NUP37: variants seen among roughly 807,000 people sequenced by gnomAD.
NUP37 encodes nucleoporin 37.
NUP37 carries 33 observed loss-of-function variants against 45.4 expected under a neutral mutation model. The ratio of observed to expected loss-of-function variants is 0.73; its 90% confidence interval spans 0.55 to 0.97. The LOEUF (loss-of-function observed/expected upper bound fraction) is 0.97. Ranked by LOEUF, NUP37 falls within the 50% of genes least tolerant of loss-of-function variation. The pLI is 0.00. For synonymous variants in NUP37, 127 were observed against 130.7 expected (o/e 0.97, Z 0.19); for missense variants, 365 against 389.7 (o/e 0.94, Z 0.53).
rs774239848 is a variant in NUP37 at position 102,076,790 on chromosome 12, A to T, written c.773+7T>A. 5.0e-6 allele frequency: 8 copies of T among 1,612,570 alleles called. No homozygotes were observed. In the South Asian group the frequency reaches 7.7e-5, roughly 16 times the overall value. ...AAATCACAGCTCCAACAAAAACGGT[A>T]CATTACCTGAATAAGCAGGCTCGAT... On this transcript the variant is annotated splice_region_variant and intron_variant, in intron 8 of 9. Coordinates refer to ENST00000552283, the MANE Select transcript of NUP37 (RefSeq NM_024057.4).
At chr12:102,092,895 T>C (rs539614463) in intron 5 of NUP37, among the ~76,000 whole-genome samples, 1 of 152,270 alleles carries the variant, frequency 6.6e-6, no homozygotes, top group South Asian at 2.1e-4. Context: ...TCAGTGTGTG[T>C]GTCCAAATAT....
At chr12:102,112,256 T>C in intron 2 of NUP37, 24 bp from the exon 3 acceptor site, 1 of 1,580,504 alleles carries the variant, frequency 6.3e-7, no homozygotes, top group African/African-American at 1.3e-5. Flanking sequence ...GTAAATGTTT[T>C]AATAAGTAAT....
At chr12:102,110,193 C>A (rs1282603233) in intron 3 of NUP37, among the ~76,000 whole-genome samples, 1 of 152,086 alleles carries the variant, frequency 6.6e-6, no homozygotes, top group African/African-American at 2.4e-5. Flanking sequence ...TGGCATCAAC[C>A]AGAATGGCTA....
At chr12:102,088,862 T>TCC in intron 5 of NUP37, among the ~76,000 whole-genome samples, 1 of 151,482 alleles carries the variant, frequency 6.6e-6, no homozygotes, top group South Asian at 2.1e-4. Context: ...CCTGCGGCCT[T>TCC]CCGCAGTGTT....
At position 102,073,404 on chromosome 12, in the gene NUP37, T is replaced by G. The variant is rs1879085015; in HGVS notation, c.*950A>C. The G allele has an allele frequency of 1.3e-5, 2 of 152,152 alleles. No homozygotes were observed. Among genetic ancestry groups the G allele is most frequent in the Non-Finnish European group, 2.9e-5 (2 of 68,022 alleles). 9.4% of individuals were successfully genotyped at this position (152,152 alleles called of 1,614,324 possible). A position where few individuals can be genotyped will look rare whatever the true frequency, so the allele number is the denominator to read the frequency against. ...CAACAGGTCCCATCTCAAAAACACTTAAGTTTCTTGGTAAGAACAGTGAAA... is the reference window on the plus strand; with the variant it reads ...CAACAGGTCCCATCTCAAAAACACTGAAGTTTCTTGGTAAGAACAGTGAAA... On this transcript the variant is annotated 3_prime_UTR_variant, in exon 10 of 10. Coordinates refer to ENST00000552283, the MANE Select transcript of NUP37 (RefSeq NM_024057.4).
rs1466658232 is a variant in NUP37 at position 102,076,898 on chromosome 12, G to A, written c.723-51C>T. 7.6e-6 allele frequency: 10 copies of A among 1,319,904 alleles called. No individual in the cohort carries two copies. The South Asian group carries it at 9.8e-5, about 13-fold the overall frequency. 81.8% of individuals were successfully genotyped at this position (1,319,904 alleles called of 1,614,324 possible). On this transcript the variant is annotated intron_variant, in intron 7 of 9. Transcript: ENST00000552283. ...TGAATTATGTGTTAAACTCAAGTGG[G>A]TGAACTTAAGGTTTAAACAGTATTT...
chr12:102,084,971 G>T (rs542195731), intron 6 of NUP37, among the ~76,000 whole-genome samples: 1 of 152,282 alleles, frequency 6.6e-6, no homozygotes, highest in East Asian at 1.9e-4. Flanking sequence ...TGTATTTTTA[G>T]TATTTTAGAA....
At position 102,108,361 on chromosome 12, in the gene NUP37, C is replaced by T. The variant is rs1034433672; in HGVS notation, c.281+3747G>A. On this transcript the variant is annotated intron_variant, in intron 3 of 9. Coordinates refer to ENST00000552283, the MANE Select transcript of NUP37 (RefSeq NM_024057.4). ...ACTCAAGTTCTTCAGCTTCTGGACT[C>T]TTAGGCTTACACCAGTGGTTTGTCA... Among the ~76,000 whole-genome samples the T allele has an allele frequency of 2.6e-5, 4 of 152,210 alleles. No homozygotes were observed. In the South Asian group the frequency reaches 8.3e-4, roughly 32 times the overall value.
At chr12:102,106,262 T>C (rs1438866744) in intron 3 of NUP37, among the ~76,000 whole-genome samples, 1 of 152,238 alleles carries the variant, frequency 6.6e-6, no homozygotes, top group Non-Finnish European at 1.5e-5. Flanking sequence ...TAAGTCATCA[T>C]GTTTGTGGTG....
intron 1 of NUP37, chr12:102,119,291 G>A (rs1272386655): frequency 1.3e-5 from 2 of 152,246 alleles, no homozygotes; most frequent in Non-Finnish European, 1.5e-5. Flanking sequence ...AGAGCATCAG[G>A]ATAAATAGCT....
chr12:102,083,282 C>T (rs1295417000), intron 6 of NUP37, among the ~76,000 whole-genome samples: 1 of 152,188 alleles, frequency 6.6e-6, no homozygotes, highest in Non-Finnish European at 1.5e-5. Context: ...TCACTGCTCT[C>T]AGGGAGAAAT....
At chr12:102,081,435 TACTATGC>T in intron 6 of NUP37, among the ~76,000 whole-genome samples, 1 of 152,300 alleles carries the variant, frequency 6.6e-6, no homozygotes, top group East Asian at 1.9e-4. Context: ...GTATAAACAA[TACTATGC>T]ACTGTGAATT....
rs760683374 is a variant in NUP37, at chr12:102,085,875, TATA to T, written c.450-22_450-20del. 3.2e-6 allele frequency: 4 copies of T among 1,263,714 alleles called. No individual in the cohort carries two copies. The Admixed American group carries it at 5.9e-5, about 19-fold the overall frequency. The allele number at this position is 1,263,714 out of a possible 1,614,324, so 78.3% of individuals were successfully genotyped here. On this transcript the variant is annotated intron_variant, in intron 5 of 9. Coordinates refer to ENST00000552283, the MANE Select transcript of NUP37 (RefSeq NM_024057.4). The stretch of plus-strand genomic sequence containing the variant: ...CCAAATCCTAATAAAAGAATAACAG[TATA>T]ATGTTAATTGTTCTTGATATATCAT...
intron 3 of NUP37, among the ~76,000 whole-genome samples, chr12:102,110,932 G>T (rs189409788): frequency 3.3e-5 from 5 of 152,180 alleles, no homozygotes; most frequent in African/African-American, 1.2e-4. Flanking sequence ...TTTAGAAACT[G>T]GCATTTTCTT....
At chr12:102,111,984 A>C (rs749833451) in intron 3 of NUP37, 124 bp downstream of exon 3, 2 of 870,548 alleles carry the variant, frequency 2.3e-6, no homozygotes. Context: ...AAATATCAAA[A>C]TATCTAATAT....
chr12:102,119,118 G>C (rs907513257), intron 1 of NUP37: 2 of 151,964 alleles, frequency 1.3e-5, no homozygotes, highest in African/African-American at 2.4e-5. Context: ...CGCTAATGAA[G>C]AAAAAAACAG....
intron 5 of NUP37, among the ~76,000 whole-genome samples, chr12:102,093,572 A>G (rs1879719033): frequency 1.3e-5 from 2 of 152,218 alleles, no homozygotes; most frequent in Admixed American, 6.5e-5. Flanking sequence ...TTCAGAGTAG[A>G]AGGGCTTTTT....
intron 5 of NUP37, among the ~76,000 whole-genome samples, chr12:102,092,022 G>A (rs1879671452): frequency 6.6e-6 from 1 of 152,090 alleles, no homozygotes; most frequent in Non-Finnish European, 1.5e-5. Flanking sequence ...TTGGCATACT[G>A]GGGATATCCT....
chr12:102,092,656 T>G (rs1879688840), intron 5 of NUP37, among the ~76,000 whole-genome samples: 1 of 152,140 alleles, frequency 6.6e-6, no homozygotes, highest in Non-Finnish European at 1.5e-5. Context: ...AATATCTGGT[T>G]TTAAGTGCAA....
Sources: gnomAD v4.1 joint callset for allele counts (sites outside exome capture counted in the v4.1 genomes callset) on GRCh38, gnomAD v4.1.1 for gene constraint, MANE v1.5 for transcripts, NCBI Gene and HGNC (gene_info 2026-07-23, HGNC 2026-07-21) for gene names.